The following LBR variants were observed in gnomAD, a reference collection of about 807,000 sequenced individuals.
The protein encoded by LBR is lamin B receptor, also known as delta(14)-sterol reductase LBR.
A neutral mutation model predicts 74.3 loss-of-function variants in LBR; 28 were observed. That is an observed-to-expected ratio of 0.38 (90% CI 0.28 to 0.52). The LOEUF is 0.52. Among genes scored for constraint, LBR ranks in the 20% least tolerant of loss-of-function variants. The probability of loss-of-function intolerance (pLI) is 0.89; values close to 1 mark genes in which losing one functional copy is unlikely to be tolerated. For synonymous variants in LBR, 228 were observed against 269.3 expected (o/e 0.85, Z 1.50); for missense variants, 717 against 760.3 (o/e 0.94, Z 0.67).
Position 225,418,044 on chromosome 1 carries a change from A to T in LBR, c.777T>A (p.Phe259Leu). The change falls in exon 6 of 14, where the codon TTT (phenylalanine) becomes TTA (leucine). Residue 259 changes from phenylalanine to leucine, a missense_variant. By Grantham distance (22) the Phe-to-Leu change is conservative (BLOSUM62 0). Coordinates refer to ENST00000272163, the MANE Select transcript of LBR (RefSeq NM_002296.4). ...ALYELWETRV[F>L]GVYLLWFLIQ... ...TCAAAAACCACAGGAGGTAGACCCC[A>T]AATACTCTGGTTTCCCATAACTCAT... 6.2e-7 allele frequency: 1 copy of T among 1,614,218 alleles called. No homozygotes were observed. The highest frequency in any genetic ancestry group is 1.6e-4 in the Middle Eastern group (1 of 6,062).
intron 11 of LBR, among the ~76,000 whole-genome samples, chr1:225,405,792 T>A (rs1450124302): frequency 1.3e-5 from 2 of 152,222 alleles, no homozygotes; most frequent in South Asian, 2.1e-4. Flanking sequence ...CTGTCTTGAA[T>A]AATAAAATGG....
intron 6 of LBR, 49 bp downstream of exon 6, chr1:225,417,934 AT>A: frequency 6.5e-7 from 1 of 1,547,842 alleles, no homozygotes; most frequent in Non-Finnish European, 8.9e-7. Flanking sequence ...CCTGGACAAT[AT>A]AGTGAGACCT....
chr1:225,404,623 T>TA lies in LBR; in HGVS notation c.1564+2dup. ...TATAATATAAACATAAATCAATACTTACGTGCAAGCTTTGGATCACTGGGA... is the reference window on the plus strand; with the variant it reads ...TATAATATAAACATAAATCAATACTTAACGTGCAAGCTTTGGATCACTGGGA... On this transcript the variant is annotated splice_region_variant and intron_variant, in intron 12 of 13. Transcript: ENST00000272163. The TA allele has an allele frequency of 6.2e-7, 1 of 1,605,620 alleles. No homozygotes were observed.
At chr1:225,418,278 G>T in intron 5 of LBR, 98 bp from the exon 6 acceptor site, 1 of 1,319,744 alleles carries the variant, frequency 7.6e-7, no homozygotes, top group Non-Finnish European at 1.1e-6. Flanking sequence ...TCGTTATCTG[G>T]CTAACTGTCT....
chr1:225,415,340 G>GA lies in LBR; in HGVS notation c.838-9dup, dbSNP rs533588538. 2.3e-5 allele frequency: 35 copies of GA among 1,547,740 alleles called. No individual in the cohort carries two copies. The East Asian group carries it at 5.0e-4, about 22-fold the overall frequency. On this transcript the variant is annotated splice_polypyrimidine_tract_variant and intron_variant, in intron 6 of 13. Coordinates refer to ENST00000272163, the MANE Select transcript of LBR (RefSeq NM_002296.4). ...AGGCGTTCCTTCTACAACCTTAAAA[G>GA]AAAAAAAATTTACAAATTTACTAAG...
chr1:225,403,596 T>C (rs2096085596), intron 13 of LBR, 133 bp from the exon 14 acceptor site: 3 of 711,744 alleles, frequency 4.2e-6, no homozygotes, highest in Non-Finnish European at 7.1e-6. Flanking sequence ...ATGAGAATAA[T>C]TAAACAAGTC....
intron 7 of LBR, among the ~76,000 whole-genome samples, chr1:225,414,989 G>A (rs563970159): frequency 3.9e-5 from 6 of 152,210 alleles, no homozygotes; most frequent in Admixed American, 3.3e-4. Context: ...GCCCACATCC[G>A]TGTAACACCT....
rs555831684 is a variant in LBR, at chr1:225,403,467, T to C, written c.1688-4A>G. On this transcript the variant is annotated splice_region_variant and splice_polypyrimidine_tract_variant and intron_variant, in intron 13 of 13. Coordinates refer to ENST00000272163, the MANE Select transcript of LBR (RefSeq NM_002296.4). ...TAAGGCAGAATGTGGTTAAAACCTG[T>C]GGATAATAATAGTACACAGTATTAG... 1 of 1,595,396 alleles carries C rather than the reference T, an allele frequency of 6.3e-7. No individual in the cohort carries two copies. Among genetic ancestry groups the C allele is most frequent in the African/African-American group, 1.3e-5 (1 of 74,600 alleles).
intron 6 of LBR, 119 bp from the exon 7 acceptor site, chr1:225,415,451 A>G (rs376810163): frequency 1.6e-6 from 1 of 628,342 alleles, no homozygotes; most frequent in African/African-American, 1.9e-5. Flanking sequence ...AAGAAGGAAG[A>G]TATCTTGTAA....
chr1:225,413,192 G>A (rs1183438986), intron 7 of LBR, among the ~76,000 whole-genome samples: 1 of 152,150 alleles, frequency 6.6e-6, no homozygotes, highest in Non-Finnish European at 1.5e-5. Context: ...CATGCCACCC[G>A]CAGAAAAGAT....
intron 5 of LBR, among the ~76,000 whole-genome samples, chr1:225,418,945 C>G (rs536977636): frequency 2.5e-4 from 38 of 152,370 alleles, no homozygotes; most frequent in African/African-American, 8.9e-4. Flanking sequence ...AAGTAACCAT[C>G]TATGCTATAC....
At chr1:225,417,900 T>C (rs1263288619) in intron 6 of LBR, 84 bp downstream of exon 6, 24 of 1,267,306 alleles carry the variant, frequency 1.9e-5, no homozygotes, top group Non-Finnish European at 2.4e-5. Context: ...AGAGGATCAC[T>C]TGATCCCAGA....
intron 2 of LBR, chr1:225,422,575 G>T: frequency 1.2e-5 from 4 of 342,744 alleles, no homozygotes; most frequent in East Asian, 6.4e-5. Context: ...TGCAAGAAGG[G>T]TAATAATTAA....
chr1:225,405,888 G>C (rs933576430), intron 11 of LBR, among the ~76,000 whole-genome samples: 1 of 152,184 alleles, frequency 6.6e-6, no homozygotes, highest in Admixed American at 6.5e-5. Context: ...ATACTAACTT[G>C]TGTAGCAAAA....
chr1:225,404,737 T>C (rs1160240434), intron 11 of LBR, 31 bp from the exon 12 acceptor site: 2 of 1,411,556 alleles, frequency 1.4e-6, no homozygotes, highest in South Asian at 2.3e-5. Flanking sequence ...CCTATGTTAA[T>C]AACTTAGTTA....
At chr1:225,426,752 G>A (rs1049716886) in intron 1 of LBR, among the ~76,000 whole-genome samples, 2 of 152,138 alleles carry the variant, frequency 1.3e-5, no homozygotes, top group African/African-American at 4.8e-5. Context: ...CAGGAACCCC[G>A]GGCCTTGCTC....
At chr1:225,428,394 G>T (rs2096145643), upstream of LBR, among the ~76,000 whole-genome samples, 1 of 152,212 alleles carries the variant, frequency 6.6e-6, no homozygotes, top group African/African-American at 2.4e-5. Flanking sequence ...CCCAGCGCTC[G>T]CAGCAGTGTT....
chr1:225,425,927 C>T (rs2096138295), intron 1 of LBR, among the ~76,000 whole-genome samples: 1 of 152,216 alleles, frequency 6.6e-6, no homozygotes, highest in South Asian at 2.1e-4. Flanking sequence ...TTCTTAAAAA[C>T]TTATTTACTG....
chr1:225,425,761 T>C (rs2096137948), intron 1 of LBR, among the ~76,000 whole-genome samples: 3 of 152,044 alleles, frequency 2.0e-5, no homozygotes, highest in Admixed American at 2.0e-4. Flanking sequence ...CTAGCTCTCC[T>C]ACACTGGTCA....
Sources: allele counts gnomAD v4.1 joint callset (sites outside exome capture counted in the v4.1 genomes callset), GRCh38; gene constraint gnomAD v4.1.1; transcripts MANE v1.5; gene names NCBI Gene and HGNC (gene_info 2026-07-23, HGNC 2026-07-21).